BICC1: variants seen among roughly 807,000 people sequenced by gnomAD.
BICC1 encodes the protein BicC family RNA binding protein 1.
A neutral mutation model predicts 111.0 loss-of-function variants in BICC1; 43 were observed. The ratio of observed to expected loss-of-function variants is 0.39; its 90% confidence interval spans 0.30 to 0.50. The LOEUF (loss-of-function observed/expected upper bound fraction) is 0.50. Among genes scored for constraint, BICC1 ranks in the 20% least tolerant of loss-of-function variants. The pLI, the probability that BICC1 is intolerant of heterozygous loss-of-function variation, is 0.88. For missense variants in BICC1, 1,091 were observed against 1,203.2 expected (o/e 0.91, Z 1.38); for synonymous variants, 467 against 434.4 (o/e 1.07, Z -0.93).
chr10:58,683,174 T>C (rs571003326), intron 2 of BICC1, among the ~76,000 whole-genome samples: 1 of 152,328 alleles, frequency 6.6e-6, no homozygotes, highest in Admixed American at 6.5e-5. Flanking sequence ...GTCAGCTTTG[T>C]CAAAGATCAG....
At chr10:58,703,701 T>A (rs1210076796) in intron 3 of BICC1, among the ~76,000 whole-genome samples, 1 of 152,224 alleles carries the variant, frequency 6.6e-6, no homozygotes, top group Non-Finnish European at 1.5e-5. Flanking sequence ...TCTAGCTGTT[T>A]GCAGCATTTA....
chr10:58,698,019 A>G (rs1274093341), intron 2 of BICC1, among the ~76,000 whole-genome samples: 4 of 152,214 alleles, frequency 2.6e-5, no homozygotes, highest in African/African-American at 9.6e-5. Context: ...AAGCTGTAAG[A>G]ATAGACCTGG....
chr10:58,662,130 T>C (rs891387977), intron 2 of BICC1, among the ~76,000 whole-genome samples: 1 of 152,176 alleles, frequency 6.6e-6, no homozygotes, highest in Admixed American at 6.5e-5. Context: ...AGCACCTGCC[T>C]CTGGTGTACT....
At chr10:58,684,133 C>T (rs1839631759) in intron 2 of BICC1, among the ~76,000 whole-genome samples, 2 of 152,096 alleles carry the variant, frequency 1.3e-5, no homozygotes, top group Admixed American at 6.5e-5. Context: ...TTGAGATAAT[C>T]GTATGGTTTT....
intron 2 of BICC1, among the ~76,000 whole-genome samples, chr10:58,635,326 TA>T (rs1159007890): frequency 6.6e-6 from 1 of 152,250 alleles, no homozygotes; most frequent in Non-Finnish European, 1.5e-5. Flanking sequence ...GTTACAGAAA[TA>T]TGTAATTTGT....
At chr10:58,622,913 A>C (rs1033190478) in intron 2 of BICC1, among the ~76,000 whole-genome samples, 3 of 152,202 alleles carry the variant, frequency 2.0e-5, no homozygotes, top group Non-Finnish European at 4.4e-5. Flanking sequence ...TTCTCTCTCT[A>C]AAATAATGCA....
At chr10:58,688,254 C>T (rs1314094983) in intron 2 of BICC1, among the ~76,000 whole-genome samples, 1 of 152,096 alleles carries the variant, frequency 6.6e-6, no homozygotes, top group African/African-American at 2.4e-5. Context: ...TTATTTGGTG[C>T]CGCCACGTCC....
At chr10:58,700,507 G>A (rs984642209) in intron 2 of BICC1, among the ~76,000 whole-genome samples, 5 of 152,178 alleles carry the variant, frequency 3.3e-5, no homozygotes, top group Non-Finnish European at 5.9e-5. Context: ...AGCAGCAGCC[G>A]GGGCCAGGTG....
At chr10:58,674,040 TG>T (rs1223753126) in intron 2 of BICC1, among the ~76,000 whole-genome samples, 1 of 152,232 alleles carries the variant, frequency 6.6e-6, no homozygotes, top group Non-Finnish European at 1.5e-5. Flanking sequence ...GTCTGAATAA[TG>T]GTTTTGAAAT....
chr10:58,557,295 G>GATTA (rs1267891020), intron 1 of BICC1, among the ~76,000 whole-genome samples: 2 of 150,034 alleles, frequency 1.3e-5, no homozygotes, highest in African/African-American at 4.9e-5. Flanking sequence ...CTGTTTTAAA[G>GATTA]ATTGTCTTTA....
At chr10:58,635,620 A>T (rs936736081) in intron 2 of BICC1, among the ~76,000 whole-genome samples, 24 of 152,320 alleles carry the variant, frequency 1.6e-4, no homozygotes, top group Admixed American at 1.5e-3. Context: ...TTTCTCTGAC[A>T]ACTCACCATT....
At chr10:58,632,830 T>A (rs1837837176) in intron 2 of BICC1, among the ~76,000 whole-genome samples, 1 of 150,796 alleles carries the variant, frequency 6.6e-6, no homozygotes, top group Non-Finnish European at 1.5e-5. Flanking sequence ...AGAAAACAGA[T>A]TAAAGGTTTT....
At chr10:58,763,507 G>C (rs1299532329) in intron 3 of BICC1, among the ~76,000 whole-genome samples, 3 of 152,082 alleles carry the variant, frequency 2.0e-5, no homozygotes, top group Non-Finnish European at 4.4e-5. Context: ...AAAGCATAGT[G>C]GTTCCTACTA....
intron 1 of BICC1, among the ~76,000 whole-genome samples, chr10:58,605,016 C>T (rs962397514): frequency 6.6e-6 from 1 of 152,144 alleles, no homozygotes; most frequent in African/African-American, 2.4e-5. Flanking sequence ...ACCCTCATGA[C>T]CTAATGACTT....
At chr10:58,748,167 TTA>T (rs1841887519) in intron 3 of BICC1, among the ~76,000 whole-genome samples, 1 of 152,116 alleles carries the variant, frequency 6.6e-6, no homozygotes, top group South Asian at 2.1e-4. Flanking sequence ...AGTTTTAAAT[TTA>T]TGTTTTCATT....
intron 1 of BICC1, among the ~76,000 whole-genome samples, chr10:58,513,884 G>C (rs909628835): frequency 2.6e-5 from 4 of 152,172 alleles, no homozygotes; most frequent in African/African-American, 4.8e-5. Flanking sequence ...GGCCAGGATC[G>C]GGGTGAGCAG....
chr10:58,736,217 A>G (rs1266634709), intron 3 of BICC1, among the ~76,000 whole-genome samples: 1 of 152,150 alleles, frequency 6.6e-6, no homozygotes, highest in Non-Finnish European at 1.5e-5. Context: ...CAATAAGTAA[A>G]TCTGCATATT....
chr10:58,722,226 C>T (rs1008048850), intron 3 of BICC1, among the ~76,000 whole-genome samples: 7 of 152,206 alleles, frequency 4.6e-5, no homozygotes, highest in African/African-American at 1.2e-4. Context: ...GGAACAGATG[C>T]GTCACTGAAA....
At chr10:58,585,439 A>C (rs1177909189) in intron 1 of BICC1, among the ~76,000 whole-genome samples, 1 of 152,226 alleles carries the variant, frequency 6.6e-6, no homozygotes, top group Non-Finnish European at 1.5e-5. Context: ...AGTGATTTAT[A>C]CTATTTTCTG....
Sources: gnomAD v4.1 joint callset for allele counts (sites outside exome capture counted in the v4.1 genomes callset) on GRCh38, gnomAD v4.1.1 for gene constraint, MANE v1.5 for transcripts, NCBI Gene and HGNC (gene_info 2026-07-23, HGNC 2026-07-21) for gene names.